RABL2A: variants seen among roughly 807,000 people sequenced by gnomAD.
RABL2A encodes rab-like protein 2A.
A neutral mutation model predicts 30.7 loss-of-function variants in RABL2A; 17 were observed. The observed-to-expected ratio is 0.55, with a 90% confidence interval of 0.38 to 0.83. The LOEUF is 0.83. Ranked by LOEUF, RABL2A falls within the 40% of genes least tolerant of loss-of-function variation. The pLI is 0.00. For missense variants in RABL2A, 155 were observed against 272.6 expected, an observed-to-expected ratio of 0.57 and a Z score of 3.04; for synonymous variants, 64 against 101.8, an observed-to-expected ratio of 0.63 and a Z score of 2.24.
Position 113,634,195 on chromosome 2 carries a change from G to A in RABL2A, c.180G>A (p.Lys60=), listed in dbSNP as rs2104617965. ...QLSTYALTLY[K]HTATVDGKTI... ...CCACGTACGCCCTGACCCTGTACAA[G>A]CACACAGCCACGGTAGATGGCAAGA... is the stretch of plus-strand genomic sequence containing the variant. The change falls in exon 4 of 9, where the codon AAG becomes AAA. Residue 60 remains lysine, a synonymous_variant. Coordinates refer to ENST00000683472, the MANE Select transcript of RABL2A (RefSeq NM_001306158.2). 1 of 1,612,954 alleles carries A rather than the reference G, an allele frequency of 6.2e-7. No homozygotes were observed. Among genetic ancestry groups the A allele is most frequent in the East Asian group, 2.2e-5 (1 of 44,824 alleles).
At position 113,640,687 on chromosome 2, in the gene RABL2A, T is replaced by C. The variant is rs558570252; in HGVS notation, c.298-207T>C. 3.0e-4 allele frequency: 182 copies of C among 602,740 alleles called. No homozygotes were observed. In the African/African-American group the frequency reaches 3.1e-3, roughly 10 times the overall value. The allele number at this position is 602,740 out of a possible 1,614,324, so 37.3% of individuals were successfully genotyped here. ...CCACTGCACTGGGCCAAGAATAAGA[T>C]TTTTAAAAACATTTTCGCATCTGGA... On this transcript the variant is annotated intron_variant, in intron 5 of 8. Transcript: ENST00000683472.
At chr2:113,631,411 C>T (rs1680291648) in intron 2 of RABL2A, among the ~76,000 whole-genome samples, 1 of 152,104 alleles carries the variant, frequency 6.6e-6, no homozygotes, top group South Asian at 2.1e-4. Flanking sequence ...GGGAAACTTA[C>T]AAGCAGAAAG....
intron 5 of RABL2A, among the ~76,000 whole-genome samples, chr2:113,636,405 G>A (rs1682748308): frequency 6.6e-6 from 1 of 152,202 alleles, no homozygotes; most frequent in Admixed American, 6.5e-5. Flanking sequence ...CTGGTACTTG[G>A]CTGGACCACC....
chr2:113,630,529 C>T (rs148386329), intron 2 of RABL2A, among the ~76,000 whole-genome samples: 2,186 of 152,230 alleles, frequency 0.014, 50 homozygotes, highest in African/African-American at 0.049. Context: ...CAGTTGTACA[C>T]GGCCTCATTT....
intron 8 of RABL2A, 32 bp downstream of exon 8, chr2:113,641,896 A>G: frequency 7.3e-7 from 1 of 1,367,644 alleles, no homozygotes; most frequent in Non-Finnish European, 9.9e-7. Context: ...GGTGGGATGG[A>G]AGAAACGGCT....
At chr2:113,633,234 C>T (rs1681124061) in intron 3 of RABL2A, 7 of 522,922 alleles carry the variant, frequency 1.3e-5, no homozygotes, top group Admixed American at 5.6e-5. Flanking sequence ...TGGATTCAAA[C>T]CCCACCTCCT....
At chr2:113,638,693 C>T (rs145380429) in intron 5 of RABL2A, 4,857 of 357,596 alleles carry the variant, frequency 0.014, 269 homozygotes, top group African/African-American at 0.1. Flanking sequence ...CATGTTGAAA[C>T]CCCGTCTCTA....
chr2:113,638,570 A>T, intron 5 of RABL2A: 1 of 985,210 alleles, frequency 1.0e-6, no homozygotes, highest in Non-Finnish European at 1.2e-6. Flanking sequence ...CTGATATTTT[A>T]AAATAGGTAG....
chr2:113,636,204 T>C (rs1682651222), intron 5 of RABL2A, among the ~76,000 whole-genome samples: 1 of 152,206 alleles, frequency 6.6e-6, no homozygotes, highest in South Asian at 2.1e-4. Flanking sequence ...TGTCACCAAG[T>C]GAAAACCTCG....
At chr2:113,637,428 G>A in intron 5 of RABL2A, 1 of 1,093,964 alleles carries the variant, frequency 9.1e-7, no homozygotes, top group South Asian at 2.6e-5. Flanking sequence ...ACGTGTGCAG[G>A]ATGCTGGGAA....
In RABL2A at chr2:113,641,630, T is replaced by C. The variant is rs995752025; in HGVS notation, c.508-151T>C. ...TGATGAGGCAGAAGTCCATTGACCA[T>C]ACATAGGTCAGGGTGACGGGGAGAG... On this transcript the variant is annotated intron_variant, in intron 7 of 8. Coordinates refer to ENST00000683472, the MANE Select transcript of RABL2A (RefSeq NM_001306158.2). 1.4e-5 allele frequency: 10 copies of C among 724,160 alleles called. No individual in the cohort carries two copies. The Admixed American group carries it at 1.4e-4, about 10-fold the overall frequency. The allele number at this position is 724,160 out of a possible 1,614,324, so 44.9% of individuals were successfully genotyped here.
At chr2:113,637,888 ATGCC>A in intron 5 of RABL2A, 1 of 1,259,232 alleles carries the variant, frequency 7.9e-7, no homozygotes, top group Non-Finnish European at 1.0e-6. Context: ...TCCTGCCACC[ATGCC>A]TGTGTCTGCA....
rs1574006587 is a variant in RABL2A, at chr2:113,634,141, A to T, written c.138-12A>T. On this transcript the variant is annotated splice_polypyrimidine_tract_variant and intron_variant, in intron 3 of 8. Coordinates refer to ENST00000683472, the MANE Select transcript of RABL2A (RefSeq NM_001306158.2). ...CCCCTTTTATTGATTTTGCTCCTTA[A>T]CCTGAGTGCAGTCAGCCACAGCAGC... 1 of 1,605,058 alleles carries T rather than the reference A, an allele frequency of 6.2e-7. No homozygotes were observed. The highest frequency in any genetic ancestry group is 1.1e-5 in the South Asian group (1 of 89,384).
At chr2:113,629,311 C>G (rs1679340244) in intron 2 of RABL2A, among the ~76,000 whole-genome samples, 2 of 152,318 alleles carry the variant, frequency 1.3e-5, no homozygotes, top group Non-Finnish European at 1.5e-5. Context: ...TGACGGTACA[C>G]TTGCCCCTGC....
chr2:113,628,206 G>A (rs1243910013), intron 1 of RABL2A: 1 of 267,194 alleles, frequency 3.7e-6, no homozygotes, highest in African/African-American at 2.6e-5. Context: ...AGTCTGGACT[G>A]TGGTTACATT....
intron 3 of RABL2A, 137 bp from the exon 4 acceptor site, chr2:113,634,016 A>G (rs764990338): frequency 9.7e-6 from 14 of 1,450,722 alleles, no homozygotes; most frequent in Admixed American, 4.1e-5. Flanking sequence ...TGTCTGCAAC[A>G]TTCATTTGAT....
intron 2 of RABL2A, among the ~76,000 whole-genome samples, chr2:113,631,945 A>T (rs1573974533): frequency 7.0e-6 from 1 of 142,504 alleles, no homozygotes; most frequent in East Asian, 2.2e-4. Context: ...TCTTTATAGT[A>T]AGGGTGCTGT....
chr2:113,634,045 C>T (rs1681494142), intron 3 of RABL2A, 108 bp from the exon 4 acceptor site: 1 of 1,461,952 alleles, frequency 6.8e-7, no homozygotes, highest in South Asian at 1.3e-5. Context: ...TCAATAACTC[C>T]AAAGAGAAGA....
At chr2:113,630,657 A>G (rs1679975132) in intron 2 of RABL2A, among the ~76,000 whole-genome samples, 1 of 149,418 alleles carries the variant, frequency 6.7e-6, no homozygotes, top group African/African-American at 2.5e-5. Context: ...CTCATGCAGC[A>G]TGTTCATGCT....
Sources: gnomAD v4.1 joint callset for allele counts (sites outside exome capture counted in the v4.1 genomes callset) on GRCh38, gnomAD v4.1.1 for gene constraint, MANE v1.5 for transcripts, NCBI Gene and HGNC (gene_info 2026-07-23, HGNC 2026-07-21) for gene names.